The following CAND2 variants were observed in gnomAD, a reference collection of about 807,000 sequenced individuals.
CAND2 encodes the protein cullin-associated NEDD8-dissociated protein 2.
Under a neutral mutation model 98.9 loss-of-function variants are expected in CAND2, and 62 were observed. The ratio of observed to expected loss-of-function variants is 0.63; its 90% confidence interval spans 0.51 to 0.77. CAND2 has a LOEUF of 0.77. CAND2 is among the 30% of genes least tolerant of loss of function. CAND2 has a pLI of 0.00. For missense variants in CAND2, 1,501 were observed against 1,655.2 expected, an observed-to-expected ratio of 0.91 and a Z score of 1.62; for synonymous variants, 770 against 731.9, an observed-to-expected ratio of 1.05 and a Z score of -0.84.
intron 2 of CAND2, among the ~76,000 whole-genome samples, chr3:12,804,566 C>T (rs562987379): frequency 6.6e-6 from 1 of 152,268 alleles, no homozygotes; most frequent in South Asian, 2.1e-4. Flanking sequence ...GAGACGTTGG[C>T]CAGTTATCTC....
At chr3:12,803,179 A>C (rs893695352) in intron 1 of CAND2, among the ~76,000 whole-genome samples, 9 of 152,042 alleles carry the variant, frequency 5.9e-5, no homozygotes, top group African/African-American at 1.9e-4. Flanking sequence ...TGTTTAGTAG[A>C]GACTGGGTTT....
intron 14 of CAND2, among the ~76,000 whole-genome samples, chr3:12,831,904 G>A (rs748565696): frequency 6.6e-6 from 1 of 152,168 alleles, no homozygotes; most frequent in Admixed American, 6.5e-5. Context: ...CATTGAGCCT[G>A]ATAGGTTCCC....
At chr3:12,811,823 C>T (rs1316094117) in intron 5 of CAND2, among the ~76,000 whole-genome samples, 2 of 152,166 alleles carry the variant, frequency 1.3e-5, no homozygotes, top group African/African-American at 4.8e-5. Context: ...ATCCCATGAT[C>T]TGCCCGCCTC....
chr3:12,822,127 T>C (rs958458283), intron 11 of CAND2, among the ~76,000 whole-genome samples: 2 of 152,152 alleles, frequency 1.3e-5, no homozygotes, highest in African/African-American at 4.8e-5. Context: ...CATTCTACTG[T>C]CTGGAAGAAC....
Position 12,815,359 on chromosome 3 carries a change from C to T in CAND2, c.1225C>T (p.Pro409Ser). Residue 409 changes from proline to serine, a missense_variant, in exon 8 of 15, where the codon CCC becomes TCC. Physicochemically the swap from Pro to Ser is moderately conservative, Grantham distance 74. Coordinates refer to ENST00000456430, the MANE Select transcript of CAND2 (RefSeq NM_001162499.2). The surrounding 1 kb of genome is among the most constrained non-coding windows in gnomAD (Gnocchi z 5.7). ...AYIVLLRQTQ[P>S]PKGWLEAMEE... The stretch of plus-strand genomic sequence containing the variant: ...CATCGTGCTGCTGCGGCAAACACAG[C>T]CCCCGAAGGGATGGCTGGAGGCCAT... The T allele has an allele frequency of 2.5e-6, 4 of 1,613,852 alleles. No homozygotes were observed. Among genetic ancestry groups the T allele is most frequent in the South Asian group, 1.1e-5 (1 of 91,082 alleles).
chr3:12,808,989 C>A (rs1344108642), intron 4 of CAND2, among the ~76,000 whole-genome samples: 1 of 152,026 alleles, frequency 6.6e-6, no homozygotes, highest in African/African-American at 2.4e-5. Flanking sequence ...TGTGTTCTAC[C>A]CTGATCTTTC....
chr3:12,812,936 G>A, intron 5 of CAND2, 54 bp from the exon 6 acceptor site: 1 of 1,136,464 alleles, frequency 8.8e-7, no homozygotes, highest in East Asian at 2.6e-5. Context: ...TGTGGGCTGG[G>A]GGAACTCCGG....
intron 11 of CAND2, among the ~76,000 whole-genome samples, chr3:12,821,548 C>T (rs2061957240): frequency 6.6e-6 from 1 of 152,226 alleles, no homozygotes; most frequent in African/African-American, 2.4e-5. Context: ...AACTTTGTCC[C>T]TTGCCCTAAT....
chr3:12,815,466 G>A lies in CAND2; in HGVS notation c.1299+33G>A, dbSNP rs756041832. On this transcript the variant is annotated intron_variant, in intron 8 of 14. Transcript: ENST00000456430. The surrounding 1 kb of genome is among the most constrained non-coding windows in gnomAD (Gnocchi z 5.7). Reference sequence around the variant, plus strand: ...TGCCTTCACCTCCACCCCTACCCCCGATTTGCCTACCCAGCCACTCACTGT... The same window carrying A: ...TGCCTTCACCTCCACCCCTACCCCCAATTTGCCTACCCAGCCACTCACTGT... 6 of 1,576,476 alleles carry A rather than the reference G, an allele frequency of 3.8e-6. No homozygotes were observed. Among genetic ancestry groups the A allele is most frequent in the East Asian group, 2.3e-5 (1 of 44,138 alleles).
chr3:12,831,150 ACT>A (rs1204263811), intron 13 of CAND2, among the ~76,000 whole-genome samples: 1 of 152,100 alleles, frequency 6.6e-6, no homozygotes, highest in Non-Finnish European at 1.5e-5. Flanking sequence ...ACCTGGCCAC[ACT>A]CAGCCAGAGC....
intron 14 of CAND2, among the ~76,000 whole-genome samples, chr3:12,831,954 AGATGACTGGTCTAG>A (rs899509423): frequency 3.3e-5 from 5 of 152,244 alleles, no homozygotes; most frequent in Non-Finnish European, 7.3e-5. Context: ...AAGCTGGGTC[AGATGACTGGTCTAG>A]GACAAAGCTG....
chr3:12,817,938 T>C, intron 10 of CAND2, 62 bp downstream of exon 10: 1 of 1,416,344 alleles, frequency 7.1e-7, no homozygotes, highest in Non-Finnish European at 9.4e-7. Context: ...CCACTGAGCA[T>C]CCAGGCAGCT....
At chr3:12,822,499 A>G (rs1021173252) in intron 11 of CAND2, among the ~76,000 whole-genome samples, 2 of 151,932 alleles carry the variant, frequency 1.3e-5, no homozygotes, top group African/African-American at 2.4e-5. Context: ...GGGTTTTGCT[A>G]TGTTACCCAG....
chr3:12,807,486 C>T (rs191720568), intron 3 of CAND2, 26 bp downstream of exon 3: 41 of 1,538,528 alleles, frequency 2.7e-5, no homozygotes, highest in Non-Finnish European at 3.2e-5. Flanking sequence ...GGACTAGGTA[C>T]TGTTAGTATT....
Position 12,827,568 on chromosome 3 carries a change from T to C in CAND2, c.3339T>C (p.His1113=). ...GQLDICEFLN[H]VEDGLKDHYD... ...TGGATATCTGTGAGTTCCTGAACCA[T>C]GTGGAGGACGGGCTGAAGGACCACT... The change falls in exon 13 of 15, where the codon CAT becomes CAC. Residue 1113 remains histidine, a synonymous_variant. Transcript: ENST00000456430. 2.5e-6 allele frequency: 4 copies of C among 1,613,642 alleles called. No homozygotes were observed. The highest frequency in any genetic ancestry group is 3.4e-6 in the Non-Finnish European group (4 of 1,179,746).
chr3:12,796,859 C>A, intron 1 of CAND2, 71 bp downstream of exon 1: 2 of 1,263,768 alleles, frequency 1.6e-6, no homozygotes, highest in South Asian at 2.5e-5. Flanking sequence ...CCTCTCGAAG[C>A]GCCAGCCCAT....
chr3:12,825,232 A>C (rs1466024013), intron 11 of CAND2, among the ~76,000 whole-genome samples: 2 of 152,048 alleles, frequency 1.3e-5, no homozygotes, highest in East Asian at 3.9e-4. Flanking sequence ...GAGGCTCTCC[A>C]AGGTCCCACA....
At chr3:12,802,138 T>C (rs1209953512) in intron 1 of CAND2, among the ~76,000 whole-genome samples, 3 of 152,142 alleles carry the variant, frequency 2.0e-5, no homozygotes, top group Non-Finnish European at 4.4e-5. Flanking sequence ...CCATCCTGGC[T>C]AACACAGTGA....
chr3:12,812,903 A>G (rs936539163), intron 5 of CAND2, 87 bp from the exon 6 acceptor site: 5 of 788,786 alleles, frequency 6.3e-6, no homozygotes, highest in South Asian at 1.5e-5. Context: ...TCAGGGCTGC[A>G]GGTGCATAGA....
Sources: allele counts gnomAD v4.1 joint callset (sites outside exome capture counted in the v4.1 genomes callset), GRCh38; gene constraint gnomAD v4.1.1; non-coding constraint Gnocchi (gnomAD v3.1); transcripts MANE v1.5; gene names NCBI Gene and HGNC (gene_info 2026-07-23, HGNC 2026-07-21).